Variants in XIST observed in about 807,000 individuals in gnomAD.
XIST encodes the protein X inactive specific transcript.
exon 6 of XIST, chrX:73,825,415 C>T (rs1366427748): frequency 3.6e-6 from 2 of 554,028 alleles, no homozygotes; most frequent in Non-Finnish European, 6.5e-6. Flanking sequence ...AATACAAGTG[C>T]TTTACAGTTT....
chrX:73,851,828 A>C (rs756733839), exon 1 of XIST: 12 of 556,766 alleles, frequency 2.2e-5, no homozygotes, highest in Non-Finnish European at 3.9e-5. Context: ...AATGGCGGCC[A>C]CTTTTCCTCC....
chrX:73,850,597 G>A, exon 1 of XIST: 1 of 532,910 alleles, frequency 1.9e-6, no homozygotes, highest in East Asian at 3.3e-5. Context: ...ATCCATTCTG[G>A]TCCTTGCCAC....
chrX:73,836,033 G>A (rs909086963), intron 2 of XIST, among the ~76,000 whole-genome samples: 2 of 110,945 alleles, frequency 1.8e-5, no homozygotes, highest in Non-Finnish European at 3.8e-5. Flanking sequence ...TCTTAAATAG[G>A]CACTTTGGAA....
exon 1 of XIST, chrX:73,843,794 T>C (rs774458749): frequency 7.2e-6 from 4 of 556,835 alleles, no homozygotes; most frequent in Non-Finnish European, 1.3e-5. Flanking sequence ...AGTGCACAGA[T>C]CAGGAGCAAA....
At chrX:73,823,305 CTTTCT>C (rs1388328066) in exon 6 of XIST, 56 of 433,560 alleles carry the variant, frequency 1.3e-4, no homozygotes, top group East Asian at 7.0e-4. Context: ...TTGCATTTTT[CTTTCT>C]TTTTTTTTTT....
rs771562169 is a variant in XIST at position 73,852,626 on chromosome X, T to TG, written n.97dup. ...TAAAGAAATACGCCATAAAGGGTGT[T>TG]GGGGGACTAGAAAATGTTCTAGAAA... On this transcript the variant is annotated non_coding_transcript_exon_variant, in exon 1 of 6. Transcript: ENST00000429829. 26 of 486,998 alleles carry TG rather than the reference T, an allele frequency of 5.3e-5. No individual in the cohort carries two copies. The South Asian group carries it at 7.0e-4, about 13-fold the overall frequency. The allele number at this position is 486,998 out of a possible 1,213,427, so 40.1% of individuals were successfully genotyped here. A position where few individuals can be genotyped will look rare whatever the true frequency, so the allele number is the denominator to read the frequency against.
At chrX:73,848,373 A>G (rs776316526) in exon 1 of XIST, 2 of 554,094 alleles carry the variant, frequency 3.6e-6, no homozygotes, top group African/African-American at 4.5e-5. Context: ...ACCTTGATAT[A>G]AAAGACTCAG....
rs1267955764 is a variant in XIST, at chrX:73,821,452, C to G, written n.18449G>C. ...TTCACTTAATAAATTCCATTCTTAC[C>G]TAACACAAGGTTTAGTTGATAAGCA... On this transcript the variant is annotated non_coding_transcript_exon_variant, in exon 6 of 6. Transcript: ENST00000429829. 5.4e-6 allele frequency: 3 copies of G among 555,690 alleles called. No homozygotes were observed. The East Asian group carries it at 9.8e-5, about 18-fold the overall frequency. The allele number at this position is 555,690 out of a possible 1,213,427, so 45.8% of individuals were successfully genotyped here. A position where few individuals can be genotyped will look rare whatever the true frequency, so the allele number is the denominator to read the frequency against.
chrX:73,848,673 T>A (rs1221993484), exon 1 of XIST: 2 of 558,389 alleles, frequency 3.6e-6, no homozygotes, highest in Non-Finnish European at 3.2e-6. Flanking sequence ...GTTAGCAACA[T>A]CCCACAGAAG....
chrX:73,827,410 G>A (rs372996682), exon 6 of XIST: 3 of 553,673 alleles, frequency 5.4e-6, no homozygotes, highest in South Asian at 2.3e-5. Context: ...GAGTAGAAAG[G>A]GAAGAAGCAG....
intron 1 of XIST, chrX:73,837,602 A>G: frequency 2.2e-6 from 1 of 460,592 alleles, no homozygotes; most frequent in Non-Finnish European, 3.8e-6. Context: ...TGTTGTGACA[A>G]ATGTACCAAA....
chrX:73,847,339 G>C (rs771819424), exon 1 of XIST: 1 of 526,108 alleles, frequency 1.9e-6, no homozygotes, highest in Non-Finnish European at 3.4e-6. Flanking sequence ...GCACTAGCTA[G>C]TTAGCACTCC....
intron 2 of XIST, among the ~76,000 whole-genome samples, chrX:73,833,985 T>C (rs951745500): frequency 8.9e-6 from 1 of 111,787 alleles, no homozygotes; most frequent in Non-Finnish European, 1.9e-5. Context: ...ACATCACTTA[T>C]TCAACACTAT....
exon 6 of XIST, chrX:73,822,474 G>A: frequency 1.9e-6 from 1 of 514,140 alleles, no homozygotes; most frequent in South Asian, 2.5e-5. Context: ...CTTATACCAA[G>A]TACCTATTGG....
exon 1 of XIST, chrX:73,848,705 T>C: frequency 1.8e-6 from 1 of 558,792 alleles, no homozygotes; most frequent in Non-Finnish European, 3.2e-6. Flanking sequence ...TGAGAATCCA[T>C]TTTTATTGCA....
chrX:73,823,755 A>G (rs1473096948), exon 6 of XIST: 1 of 558,761 alleles, frequency 1.8e-6, no homozygotes, highest in Non-Finnish European at 3.2e-6. Flanking sequence ...AGCTTAGTAC[A>G]CTGCCTTATA....
exon 6 of XIST, chrX:73,823,666 G>GT (rs1922182234): frequency 1.8e-6 from 1 of 558,512 alleles, no homozygotes; most frequent in Non-Finnish European, 3.2e-6. Flanking sequence ...ACAACACCTT[G>GT]TTTTTTGCAA....
At chrX:73,837,759 T>C (rs1010850521) in intron 1 of XIST, among the ~76,000 whole-genome samples, 3 of 111,428 alleles carry the variant, frequency 2.7e-5, no homozygotes, top group African/African-American at 6.5e-5. Flanking sequence ...TGAAGACTTA[T>C]AAGACACAGT....
At chrX:73,821,614 T>C (rs1277295661) in exon 6 of XIST, 1 of 555,300 alleles carries the variant, frequency 1.8e-6, no homozygotes, top group African/African-American at 2.2e-5. Context: ...GTAATGTTCT[T>C]AAGACCAATT....
Sources: gnomAD v4.1 joint callset for allele counts (sites outside exome capture counted in the v4.1 genomes callset) on GRCh38, gnomAD v4.1.1 for gene constraint, MANE v1.5 for transcripts, NCBI Gene and HGNC (gene_info 2026-07-23, HGNC 2026-07-21) for gene names.